Variants in ST6GAL1 observed in about 807,000 individuals in gnomAD.
ST6GAL1 encodes the protein beta-galactoside alpha-2,6-sialyltransferase 1.
Under a neutral mutation model 38.0 loss-of-function variants are expected in ST6GAL1, and 20 were observed. The observed-to-expected ratio is 0.53, with a 90% CI of 0.37 to 0.77. The LOEUF is 0.77. Among genes scored for constraint, ST6GAL1 ranks in the 30% least tolerant of loss-of-function variants. The probability of loss-of-function intolerance (pLI) is 0.00; values close to 1 mark genes in which losing one functional copy is unlikely to be tolerated. For synonymous variants in ST6GAL1, 196 were observed against 188.2 expected, an observed-to-expected ratio of 1.04 and a Z score of -0.34; for missense variants, 432 against 496.4, an observed-to-expected ratio of 0.87 and a Z score of 1.23.
intron 2 of ST6GAL1, among the ~76,000 whole-genome samples, chr3:186,987,207 A>AG (rs1560152290): frequency 1.4e-5 from 2 of 145,320 alleles, no homozygotes; most frequent in African/African-American, 5.1e-5. Flanking sequence ...AGGGAAGGAA[A>AG]GAAAAGGAAA....
chr3:186,956,799 T>C (rs1441003063), intron 1 of ST6GAL1, among the ~76,000 whole-genome samples: 1 of 152,212 alleles, frequency 6.6e-6, no homozygotes, highest in Non-Finnish European at 1.5e-5. Context: ...CAGTTTTTAG[T>C]GTCTCACTTT....
chr3:187,027,861 AGTAAGGCATTACCG>A (rs1477642908), intron 2 of ST6GAL1, among the ~76,000 whole-genome samples: 1 of 152,210 alleles, frequency 6.6e-6, no homozygotes, highest in Non-Finnish European at 1.5e-5. Flanking sequence ...CAACGAGACC[AGTAAGGCATTACCG>A]GTAAGGCAGA....
At chr3:187,051,213 C>T in intron 4 of ST6GAL1, 36 bp from the exon 5 acceptor site, 3 of 1,581,152 alleles carry the variant, frequency 1.9e-6, no homozygotes, top group Non-Finnish European at 2.6e-6. Context: ...ATTGCCAGTG[C>T]TCATCACCTC....
At chr3:187,046,749 G>T (rs1343962050) in intron 4 of ST6GAL1, among the ~76,000 whole-genome samples, 1 of 152,130 alleles carries the variant, frequency 6.6e-6, no homozygotes, top group Non-Finnish European at 1.5e-5. Flanking sequence ...TTATATCAGG[G>T]GTCAGCAAGC....
intron 2 of ST6GAL1, among the ~76,000 whole-genome samples, chr3:186,991,041 C>G (rs1214349496): frequency 6.6e-6 from 1 of 152,112 alleles, no homozygotes; most frequent in Non-Finnish European, 1.5e-5. Context: ...TGGTAGCTAA[C>G]TGACTTTTTT....
chr3:186,934,448 GC>G (rs146948115), intron 1 of ST6GAL1, among the ~76,000 whole-genome samples: 29,705 of 151,920 alleles, frequency 0.2, 3,395 homozygotes, highest in Middle Eastern at 0.29. Flanking sequence ...TGTGGTCCCA[GC>G]TACCTGGGAG....
chr3:186,995,164 A>G (rs1716321557), intron 2 of ST6GAL1, among the ~76,000 whole-genome samples: 1 of 152,044 alleles, frequency 6.6e-6, no homozygotes, highest in African/African-American at 2.4e-5. Flanking sequence ...TGTGTATTCA[A>G]ATTAGGATCC....
At chr3:187,001,216 C>G (rs1301744346) in intron 2 of ST6GAL1, among the ~76,000 whole-genome samples, 1 of 152,212 alleles carries the variant, frequency 6.6e-6, no homozygotes, top group Non-Finnish European at 1.5e-5. Flanking sequence ...GAAATGTCCA[C>G]AGCCCGAGGA....
At position 187,051,361 on chromosome 3, in the gene ST6GAL1, G is replaced by C. The variant is rs1718508656; in HGVS notation, c.705+15G>C. On this transcript the variant is annotated intron_variant, in intron 5 of 7. Transcript: ENST00000169298. The stretch of plus-strand genomic sequence containing the variant: ...TGAACTCTCAGGTAAAATTTCTTCT[G>C]TGCAGCTATGGAGTAAGAGAAGGAC... 1.2e-6 allele frequency: 2 copies of C among 1,612,032 alleles called. No homozygotes were observed. The highest frequency in any genetic ancestry group is 2.7e-5 in the African/African-American group (2 of 74,974).
chr3:187,039,270 G>T (rs1019782729), intron 3 of ST6GAL1, among the ~76,000 whole-genome samples: 2 of 152,308 alleles, frequency 1.3e-5, no homozygotes, highest in Middle Eastern at 6.8e-3. Flanking sequence ...GATGCAAGTC[G>T]CTGTGTTCTT....
intron 2 of ST6GAL1, among the ~76,000 whole-genome samples, chr3:186,973,157 T>C (rs1715407120): frequency 1.3e-5 from 2 of 152,194 alleles, no homozygotes; most frequent in Admixed American, 6.5e-5. Context: ...CACCTCAGCC[T>C]CCTGAGTAGC....
At position 187,053,142 on chromosome 3, in the gene ST6GAL1, GTTGT is replaced by G. The variant is rs747367746; in HGVS notation, c.705+1803_705+1806del. 1.1e-3 allele frequency among the ~76,000 whole-genome samples: 160 copies of G among 152,250 alleles called. 1 individual carries two copies. Among genetic ancestry groups the G allele is most frequent in the Non-Finnish European group, 2.0e-3 (138 of 68,024 alleles). On this transcript the variant is annotated intron_variant, in intron 5 of 7. Transcript: ENST00000169298. ...TATCTTTTGCCCACTTTTTGATGGG[GTTGT>G]TTGTTTTTTTCTTGTAAATTTGTTT...
intron 2 of ST6GAL1, among the ~76,000 whole-genome samples, chr3:187,035,336 T>C (rs757620279): frequency 2.6e-5 from 4 of 152,208 alleles, no homozygotes; most frequent in Non-Finnish European, 5.9e-5. Context: ...CCCAAAGCAA[T>C]CTGTAGATTC....
intron 2 of ST6GAL1, among the ~76,000 whole-genome samples, chr3:187,026,811 C>T (rs1349477705): frequency 2.0e-5 from 3 of 152,212 alleles, no homozygotes; most frequent in African/African-American, 2.4e-5. Flanking sequence ...TTTGGGAGGC[C>T]GAGGCGGGTG....
At chr3:187,051,656 A>G (rs1579361694) in intron 5 of ST6GAL1, 1 of 327,628 alleles carries the variant, frequency 3.1e-6, no homozygotes, top group East Asian at 6.4e-5. Context: ...AGCAGAGCGC[A>G]GAACATCCAG....
chr3:187,037,931 A>AT lies in ST6GAL1; in HGVS notation c.-182-803dup, dbSNP rs1210847460. 3.3e-5 allele frequency among the ~76,000 whole-genome samples: 5 copies of AT among 151,354 alleles called. No homozygotes were observed. The East Asian group carries it at 5.8e-4, about 18-fold the overall frequency. On this transcript the variant is annotated intron_variant, in intron 2 of 7. Transcript: ENST00000169298. ...TACTTTTTCACGTTTTTTTAAATGT[A>AT]TTTTTTTTCTGAATTTGGATAGTGT... is the stretch of plus-strand genomic sequence containing the variant.
chr3:187,005,040 G>A (rs949731415), intron 2 of ST6GAL1, among the ~76,000 whole-genome samples: 2 of 151,164 alleles, frequency 1.3e-5, no homozygotes, highest in South Asian at 2.1e-4. Context: ...TCAATAAGAA[G>A]TACATTTTAT....
At chr3:186,943,426 CTAT>C (rs1352090697) in intron 1 of ST6GAL1, among the ~76,000 whole-genome samples, 1 of 152,114 alleles carries the variant, frequency 6.6e-6, no homozygotes, top group Non-Finnish European at 1.5e-5. Context: ...ACTGCATACA[CTAT>C]TATTATCTCA....
At chr3:186,986,252 T>C (rs1416716999) in intron 2 of ST6GAL1, 1 of 152,144 alleles carries the variant, frequency 6.6e-6, no homozygotes, top group Non-Finnish European at 1.5e-5. Flanking sequence ...ACTAAGCTAA[T>C]AACATCCAAA....
Sources: allele counts gnomAD v4.1 joint callset (sites outside exome capture counted in the v4.1 genomes callset), GRCh38; gene constraint gnomAD v4.1.1; transcripts MANE v1.5; gene names NCBI Gene and HGNC (gene_info 2026-07-23, HGNC 2026-07-21).